WDR49: variants seen among roughly 807,000 people sequenced by gnomAD.
WDR49 encodes cilia- and flagella-associated protein 337.
Under a neutral mutation model 119.5 loss-of-function variants are expected in WDR49, and 107 were observed. That is an observed-to-expected ratio of 0.90 (90% CI 0.77 to 1.05). The LOEUF is 1.05. Ranked by LOEUF, WDR49 falls within the 50% of genes least tolerant of loss-of-function variation. The pLI is 0.00. For synonymous variants in WDR49, 425 were observed against 418.8 expected (o/e 1.01, Z -0.18); for missense variants, 1,240 against 1,220.5 (o/e 1.02, Z -0.24).
At chr3:167,482,054 G>A (rs2108187297) in intron 18 of WDR49, among the ~76,000 whole-genome samples, 1 of 152,216 alleles carries the variant, frequency 6.6e-6, no homozygotes, top group East Asian at 1.9e-4. Flanking sequence ...AGGAATAATT[G>A]ACTTAGAATA....
intron 7 of WDR49, among the ~76,000 whole-genome samples, chr3:167,576,479 T>C (rs187561215): frequency 1.3e-5 from 2 of 152,278 alleles, no homozygotes; most frequent in African/African-American, 4.8e-5. Context: ...CCTGTGAATA[T>C]GTTATCTTAG....
chr3:167,535,093 C>A (rs1368065372), intron 11 of WDR49, among the ~76,000 whole-genome samples: 1 of 152,054 alleles, frequency 6.6e-6, no homozygotes, highest in African/African-American at 2.4e-5. Context: ...ATCAGCCAGA[C>A]AAAATTATGA....
At chr3:167,592,442 T>A (rs534771899) in intron 7 of WDR49, among the ~76,000 whole-genome samples, 4 of 150,062 alleles carry the variant, frequency 2.7e-5, no homozygotes, top group Non-Finnish European at 5.9e-5. Flanking sequence ...TTTTTCTTTT[T>A]TTTTTTTTTT....
chr3:167,590,482 GTTC>G (rs1293048564), intron 7 of WDR49, among the ~76,000 whole-genome samples: 2 of 152,010 alleles, frequency 1.3e-5, no homozygotes, highest in African/African-American at 4.8e-5. Context: ...ATTGGTACCA[GTTC>G]TTCTTTTAAT....
chr3:167,528,547 T>A, intron 14 of WDR49, among the ~76,000 whole-genome samples: 1 of 150,968 alleles, frequency 6.6e-6, no homozygotes, highest in Non-Finnish European at 1.5e-5. Context: ...TAAAATAAAA[T>A]AAAATAAAAT....
chr3:167,552,732 T>C (rs970429265), intron 10 of WDR49, among the ~76,000 whole-genome samples: 1 of 152,034 alleles, frequency 6.6e-6, no homozygotes, highest in African/African-American at 2.4e-5. Context: ...GAGATGATGC[T>C]AAGGATTAAA....
At chr3:167,578,677 G>A (rs1018225208) in intron 7 of WDR49, among the ~76,000 whole-genome samples, 6 of 152,026 alleles carry the variant, frequency 3.9e-5, no homozygotes, top group African/African-American at 1.4e-4. Context: ...TTAAAGATCT[G>A]CTTTAAGCAA....
At chr3:167,508,161 A>G (rs1751843051) in intron 16 of WDR49, among the ~76,000 whole-genome samples, 1 of 152,186 alleles carries the variant, frequency 6.6e-6, no homozygotes, top group Admixed American at 6.5e-5. Flanking sequence ...CCTCCTAGGC[A>G]TCAAAAAGGA....
At chr3:167,646,215 G>C (rs902318511) in intron 2 of WDR49, among the ~76,000 whole-genome samples, 1 of 152,160 alleles carries the variant, frequency 6.6e-6, no homozygotes, top group African/African-American at 2.4e-5. Flanking sequence ...GAGAGGAGGG[G>C]AGTTGCACCA....
chr3:167,647,309 A>G (rs1718172529), intron 2 of WDR49, among the ~76,000 whole-genome samples: 1 of 152,218 alleles, frequency 6.6e-6, no homozygotes, highest in African/African-American at 2.4e-5. Flanking sequence ...GGCACTCTTC[A>G]TCACACACTG....
chr3:167,563,944 G>T (rs1383373889), intron 8 of WDR49, among the ~76,000 whole-genome samples: 1 of 152,158 alleles, frequency 6.6e-6, no homozygotes, highest in African/African-American at 2.4e-5. Context: ...TTCCCTAACA[G>T]AAATAAAAGA....
At chr3:167,528,331 C>T (rs200273089) in intron 14 of WDR49, among the ~76,000 whole-genome samples, 2 of 151,574 alleles carry the variant, frequency 1.3e-5, no homozygotes, top group East Asian at 1.9e-4. Context: ...ACATATACAA[C>T]GTTCAAATAT....
chr3:167,491,508 T>A (rs1751131258), intron 18 of WDR49, among the ~76,000 whole-genome samples: 1 of 152,172 alleles, frequency 6.6e-6, no homozygotes, highest in Non-Finnish European at 1.5e-5. Context: ...TTCTTTTCTT[T>A]GAGATGTTCC....
chr3:167,610,403 G>C (rs771470022), intron 5 of WDR49, among the ~76,000 whole-genome samples: 4 of 152,352 alleles, frequency 2.6e-5, no homozygotes, highest in African/African-American at 7.2e-5. Context: ...TAGTCAGGAA[G>C]TACTCTTTTT....
chr3:167,557,939 T>C (rs1266088841), intron 9 of WDR49, among the ~76,000 whole-genome samples: 1 of 151,994 alleles, frequency 6.6e-6, no homozygotes, highest in Non-Finnish European at 1.5e-5. Flanking sequence ...CAGAACAGCA[T>C]GTATAGTAGG....
chr3:167,567,459 G>T (rs999227081), intron 8 of WDR49, among the ~76,000 whole-genome samples: 1 of 152,140 alleles, frequency 6.6e-6, no homozygotes, highest in African/African-American at 2.4e-5. Flanking sequence ...TAGATCCTGT[G>T]AAGTCATGTG....
intron 18 of WDR49, among the ~76,000 whole-genome samples, chr3:167,481,574 G>A (rs1356146404): frequency 6.6e-6 from 1 of 152,118 alleles, no homozygotes; most frequent in African/African-American, 2.4e-5. Flanking sequence ...AATTAGAGTA[G>A]GTACTTGTAT....
At chr3:167,643,640 A>G (rs1036270954) in intron 2 of WDR49, among the ~76,000 whole-genome samples, 4 of 152,088 alleles carry the variant, frequency 2.6e-5, no homozygotes, top group African/African-American at 9.7e-5. Flanking sequence ...CATTATGGTT[A>G]TCTAGAAGGA....
intron 10 of WDR49, 103 bp downstream of exon 10, chr3:167,554,547 C>A (rs1712800462): frequency 3.2e-6 from 2 of 631,892 alleles, no homozygotes; most frequent in African/African-American, 1.9e-5. Flanking sequence ...GGGTATCACT[C>A]ACCTAGGTCA....
Sources: allele counts gnomAD v4.1 joint callset (sites outside exome capture counted in the v4.1 genomes callset), GRCh38; gene constraint gnomAD v4.1.1; transcripts MANE v1.5; gene names NCBI Gene and HGNC (gene_info 2026-07-23, HGNC 2026-07-21).